Variants in PIF1 observed in about 807,000 individuals in gnomAD.
The protein encoded by PIF1 is ATP-dependent DNA helicase PIF1.
Under a neutral mutation model 62.3 loss-of-function variants are expected in PIF1, and 67 were observed. The ratio of observed to expected loss-of-function variants is 1.08; its 90% CI spans 0.88 to 1.32. PIF1 has a LOEUF of 1.32. Among genes scored for constraint, PIF1 ranks in the 40% most tolerant of loss-of-function variants. The pLI is 0.00. For missense variants in PIF1, 886 were observed against 866.1 expected (o/e 1.02, Z -0.29); for synonymous variants, 364 against 379.5 (o/e 0.96, Z 0.47).
At position 64,822,977 on chromosome 15, in the gene PIF1, CCT is replaced by C. The variant is rs201982997; in HGVS notation, c.559-369_559-368del. Among the ~76,000 whole-genome samples the C allele has an allele frequency of 3.2e-3, 480 of 152,232 alleles. 7 individuals are homozygous for C. The highest frequency in any genetic ancestry group is 0.029 in the Admixed American group (447 of 15,266). On this transcript the variant is annotated intron_variant, in intron 2 of 12. Transcript: ENST00000559239. The stretch of plus-strand genomic sequence containing the variant: ...TCACCTCAAAATACCCAAGCAAAAC[CCT>C]GTCTAGCCAGGGCCCCTTCTTATCC...
intron 4 of PIF1, 40 bp from the exon 5 acceptor site, chr15:64,821,560 C>T: frequency 7.0e-7 from 1 of 1,424,254 alleles, no homozygotes; most frequent in Non-Finnish European, 9.3e-7. Context: ...ATACCCAAAG[C>T]CTCTCTTTTT....
chr15:64,818,725 C>A, intron 9 of PIF1: 1 of 295,142 alleles, frequency 3.4e-6, no homozygotes, highest in Non-Finnish European at 6.3e-6. Context: ...CCTGCATTTT[C>A]CCCTTGGGTG....
In PIF1 at chr15:64,822,279, G is replaced by A. The variant is rs1412988158; in HGVS notation, c.804C>T (p.Leu268=). Residue 268 remains leucine (L), a synonymous_variant, in exon 4 of 13, where the codon CTC becomes CTT. Transcript: ENST00000559239. The stretch of plus-strand genomic sequence containing the variant: ...GTTCCTACTTACCTGCAAAGGCATG[G>A]AGGGTGGTGCCCCCGATGTGGCAGG... ...VAACHIGGTT[L]HAFAGIGSGQ... is the part of the protein sequence containing the mutation. 3 of 1,613,550 alleles carry A rather than the reference G, an allele frequency of 1.9e-6. No individual in the cohort carries two copies. The highest frequency in any genetic ancestry group is 2.7e-5 in the African/African-American group (2 of 74,896).
chr15:64,826,719 TAC>T (rs1156251717), upstream of PIF1, among the ~76,000 whole-genome samples: 61 of 136,594 alleles, frequency 4.5e-4, no homozygotes, highest in African/African-American at 1.3e-3. Flanking sequence ...CATATATATA[TAC>T]ACACACATAT....
rs1002140057 is a variant in PIF1, at chr15:64,824,007, G to A, written c.329C>T (p.Pro110Leu). Residue 110 changes from proline (P) to leucine (L), a missense_variant, in exon 2 of 13, where the codon CCA becomes CTA. Pro to Leu is a moderately conservative substitution (Grantham distance 98, BLOSUM62 -3). Transcript: ENST00000559239. ...GCGCAGGAAGCGGCGCAGGCGGTCT[G>A]GGGGGCAGTCCGAGAGCAGCAGCTG... ...AVQLLLSDCP[P>L]DRLRRFLRTL... 1.5e-5 allele frequency: 20 copies of A among 1,297,540 alleles called. No homozygotes were observed. The highest frequency in any genetic ancestry group is 2.9e-4 in the Middle Eastern group (1 of 3,486). The allele number at this position is 1,297,540 out of a possible 1,614,324, so 80.4% of individuals were successfully genotyped here.
At chr15:64,819,000 G>T in intron 9 of PIF1, 117 bp downstream of exon 9, 2 of 628,806 alleles carry the variant, frequency 3.2e-6, no homozygotes, top group Non-Finnish European at 5.1e-6. Context: ...GAGGTTTTCA[G>T]TGTGGTCAAA....
At chr15:64,817,082 CA>C (rs2141104436) in intron 11 of PIF1, among the ~76,000 whole-genome samples, 1 of 152,198 alleles carries the variant, frequency 6.6e-6, no homozygotes, top group South Asian at 2.1e-4. Context: ...TCTTTCTGTG[CA>C]AAATAGGATT....
chr15:64,817,813 G>C, intron 11 of PIF1, 133 bp downstream of exon 11: 1 of 1,067,606 alleles, frequency 9.4e-7, no homozygotes. Flanking sequence ...AGTGAGCCAA[G>C]ATCGCGCCAC....
Position 64,819,124 on chromosome 15 carries a change from C to T in PIF1, c.1433G>A (p.Gly478Glu), listed in dbSNP as rs140972674. The change falls in exon 9 of 13, where the codon GGG (glycine) becomes GAG (glutamate). Residue 478 changes from glycine (G) to glutamate (E), a missense_variant. Physicochemically the swap from Gly to Glu is moderately conservative, Grantham distance 98. Coordinates refer to ENST00000559239, the MANE Select transcript of PIF1 (RefSeq NM_001286496.2). ...PVSQLLQLKLGAQVMLVKNLS... is the reference protein window; with the variant it reads ...PVSQLLQLKLEAQVMLVKNLS... Reference sequence around the variant, plus strand: ...GCCCTGCTTCCCACTCACCTGGGCCCCCAGCTTTAGTTGAAGGAGCTGGCT... The same window carrying T: ...GCCCTGCTTCCCACTCACCTGGGCCTCCAGCTTTAGTTGAAGGAGCTGGCT... 1.9e-6 allele frequency: 3 copies of T among 1,588,250 alleles called. No homozygotes were observed. Among genetic ancestry groups the T allele is most frequent in the South Asian group, 2.3e-5 (2 of 86,128 alleles).
Position 64,815,733 on chromosome 15 carries a change from A to T in PIF1, c.*565T>A, listed in dbSNP as rs1388399958. The T allele has an allele frequency of 3.2e-6, 5 of 1,550,632 alleles. No homozygotes were observed. The highest frequency in any genetic ancestry group is 4.4e-6 in the Non-Finnish European group (5 of 1,147,012). On this transcript the variant is annotated 3_prime_UTR_variant, in exon 13 of 13. Transcript: ENST00000559239. ...TATTTATCCCCTGAAAAAGCAGCTTAAAATATGGGTGCACATTTTGCAGCT... is the reference window on the plus strand; with the variant it reads ...TATTTATCCCCTGAAAAAGCAGCTTTAAATATGGGTGCACATTTTGCAGCT...
In PIF1 at chr15:64,816,324, G is replaced by C; in HGVS notation, c.1900C>G (p.Gln634Glu). ...CAGAGGATTGGGTCCATGTTCTCCT[G>C]GTCTGAGGCTGCCTCATCATCATCT... ...SPDDDEAASD[Q>E]ENMDPIL The change falls in exon 13 of 13, where the codon CAG (glutamine) becomes GAG (glutamate). Residue 634 changes from glutamine (Q) to glutamate (E), a missense_variant. Physicochemically the swap from Gln to Glu is conservative, Grantham distance 29. Transcript: ENST00000559239. 6.2e-7 allele frequency: 1 copy of C among 1,614,062 alleles called. No individual in the cohort carries two copies. Among genetic ancestry groups the C allele is most frequent in the Non-Finnish European group, 8.5e-7 (1 of 1,180,006 alleles).
intron 1 of PIF1, among the ~76,000 whole-genome samples, chr15:64,824,957 A>G (rs1009952618): frequency 1.3e-4 from 20 of 150,634 alleles, no homozygotes; most frequent in African/African-American, 4.9e-4. Context: ...TCCAATTTCT[A>G]TATATATATA....
chr15:64,816,619 C>T lies in PIF1; in HGVS notation c.1821G>A (p.Val607=). The change falls in exon 12 of 13, where the codon GTG becomes GTA. Residue 607 remains valine, a synonymous_variant. Transcript: ENST00000559239. ...DPMAVRCDPR[V]LHFYATLRRG... ...GCCGCAGGGTGGCATAGAAGTGCAGCACACGGGGGTCACAGCGAACCGCCA... is the reference window on the plus strand; with the variant it reads ...GCCGCAGGGTGGCATAGAAGTGCAGTACACGGGGGTCACAGCGAACCGCCA... The T allele has an allele frequency of 2.5e-6, 4 of 1,614,080 alleles. No individual in the cohort carries two copies. Among genetic ancestry groups the T allele is most frequent in the Non-Finnish European group, 3.4e-6 (4 of 1,180,006 alleles).
chr15:64,817,497 A>C (rs891470398), intron 11 of PIF1, among the ~76,000 whole-genome samples: 2 of 151,802 alleles, frequency 1.3e-5, no homozygotes, highest in Non-Finnish European at 2.9e-5. Flanking sequence ...GTGAGCCGAG[A>C]TCACTGCACT....
At position 64,816,678 on chromosome 15, in the gene PIF1, G is replaced by T. The variant is rs1465615384; in HGVS notation, c.1762C>A (p.Leu588Met). 2 of 1,613,806 alleles carry T rather than the reference G, an allele frequency of 1.2e-6. No individual in the cohort carries two copies. The highest frequency in any genetic ancestry group is 1.7e-6 in the Non-Finnish European group (2 of 1,180,012). Residue 588 changes from leucine (L) to methionine (M), a missense_variant, in exon 12 of 13, where the codon CTG (leucine) becomes ATG (methionine). Coordinates refer to ENST00000559239, the MANE Select transcript of PIF1 (RefSeq NM_001286496.2). ...AYVALSRARS[L>M]QGLRVLDFDP... The stretch of plus-strand genomic sequence containing the variant: ...AAGTCCAGCACACGTAGGCCCTGCA[G>T]GCTGCGGGCCCGAGAAAGGGCCACA...
In PIF1 at chr15:64,816,907, C is replaced by T. The variant is rs568463602; in HGVS notation, c.1675-142G>A. 1.9e-5 allele frequency: 14 copies of T among 723,386 alleles called. No homozygotes were observed. In the South Asian group the frequency reaches 2.5e-4, roughly 13 times the overall value. The allele number at this position is 723,386 out of a possible 1,614,324, so 44.8% of individuals were successfully genotyped here. ...GTCTCTAGACAGAGGGAGAGCATGA[C>T]AGCAGGTGGCTGTCTGAGTAGGAGG... On this transcript the variant is annotated intron_variant, in intron 11 of 12. Coordinates refer to ENST00000559239, the MANE Select transcript of PIF1 (RefSeq NM_001286496.2).
chr15:64,820,674 C>T (rs1020404939), intron 7 of PIF1, among the ~76,000 whole-genome samples: 2 of 152,194 alleles, frequency 1.3e-5, no homozygotes, highest in African/African-American at 2.4e-5. Flanking sequence ...GGATTACAGG[C>T]GTGAGCCACC....
chr15:64,816,862 C>A lies in PIF1; in HGVS notation c.1675-97G>T, dbSNP rs2084193827. 6.9e-6 allele frequency: 8 copies of A among 1,161,538 alleles called. No individual in the cohort carries two copies. The South Asian group carries it at 1.0e-4, about 14-fold the overall frequency. The allele number at this position is 1,161,538 out of a possible 1,614,324, so 72.0% of individuals were successfully genotyped here. A position where few individuals can be genotyped will look rare whatever the true frequency, so the allele number is the denominator to read the frequency against. On this transcript the variant is annotated intron_variant, in intron 11 of 12. Transcript: ENST00000559239. Reference sequence around the variant, plus strand: ...ACCAGCCCTGCTACTGCCCCTGGATCTCCTCGTCCAGTCCAGAGAGTCTCT... The same window carrying A: ...ACCAGCCCTGCTACTGCCCCTGGATATCCTCGTCCAGTCCAGAGAGTCTCT...
intron 2 of PIF1, chr15:64,823,390 GGCGCCCGCCACC>G (rs1413103657): frequency 6.4e-6 from 1 of 155,750 alleles, no homozygotes; most frequent in East Asian, 1.9e-4. Flanking sequence ...TGGGATTACA[GGCGCCCGCCACC>G]GCGCCTGGCT....
Sources: gnomAD v4.1 joint callset for allele counts (sites outside exome capture counted in the v4.1 genomes callset) on GRCh38, gnomAD v4.1.1 for gene constraint, MANE v1.5 for transcripts, NCBI Gene and HGNC (gene_info 2026-07-23, HGNC 2026-07-21) for gene names.